The following CGREF1 variants were observed in gnomAD, a reference collection of about 807,000 sequenced individuals.
The protein encoded by CGREF1 is cell growth regulator with EF-hand domain 1.
A neutral mutation model predicts 17.4 loss-of-function variants in CGREF1; 16 were observed. The ratio of observed to expected loss-of-function variants is 0.92; its 90% CI spans 0.62 to 1.40. The LOEUF (loss-of-function observed/expected upper bound fraction) is 1.40. Ranked by LOEUF, CGREF1 falls within the 40% of genes most tolerant of loss-of-function variation. The pLI, the probability that CGREF1 is intolerant of heterozygous loss-of-function variation, is 0.00. For synonymous variants in CGREF1, 142 were observed against 154.6 expected (o/e 0.92, Z 0.61); for missense variants, 296 against 376.4 (o/e 0.79, Z 1.77).
In CGREF1 at chr2:27,104,143, A is replaced by G. The variant is rs577810028; in HGVS notation, c.80+144T>C. ...TTTGTGGCACTCTGACAGGCACAAG[A>G]TGGGAGGCTGATGGCAGGGAGATAC... is the stretch of plus-strand genomic sequence containing the variant. On this transcript the variant is annotated intron_variant, in intron 2 of 5. Coordinates refer to ENST00000402394, the MANE Select transcript of CGREF1 (RefSeq NM_006569.6). The G allele has an allele frequency of 6.5e-5, 52 of 804,370 alleles. No homozygotes were observed. In the African/African-American group the frequency reaches 8.1e-4, roughly 13 times the overall value. 49.8% of individuals were successfully genotyped at this position (804,370 alleles called of 1,614,324 possible).
At chr2:27,117,861 G>A (rs1473966582) in intron 1 of CGREF1, among the ~76,000 whole-genome samples, 1 of 152,028 alleles carries the variant, frequency 6.6e-6, no homozygotes, top group Non-Finnish European at 1.5e-5. Flanking sequence ...GACTACAGGC[G>A]CCTGCCACCA....
At chr2:27,113,509 G>T (rs1290657382) in intron 1 of CGREF1, among the ~76,000 whole-genome samples, 1 of 152,146 alleles carries the variant, frequency 6.6e-6, no homozygotes, top group African/African-American at 2.4e-5. Context: ...TTGCAAATAT[G>T]TAAGTAGGAA....
chr2:27,101,172 G>C lies in CGREF1; in HGVS notation c.*102C>G, dbSNP rs146521833. 119 of 1,491,002 alleles carry C rather than the reference G, an allele frequency of 8.0e-5. No individual in the cohort carries two copies. Among genetic ancestry groups the C allele is most frequent in the Non-Finnish European group, 1.0e-4 (114 of 1,126,894 alleles). The allele number at this position is 1,491,002 out of a possible 1,614,324, so 92.4% of individuals were successfully genotyped here. A position where few individuals can be genotyped will look rare whatever the true frequency, so the allele number is the denominator to read the frequency against. Reference sequence around the variant, plus strand: ...CCTGATACCTACTGGGACCAGGCAGGGGGCACAGAGATGGTCCTTGTCCCA... The same window carrying C: ...CCTGATACCTACTGGGACCAGGCAGCGGGCACAGAGATGGTCCTTGTCCCA... On this transcript the variant is annotated 3_prime_UTR_variant, in exon 6 of 6. Transcript: ENST00000402394.
rs777545791 is a variant in CGREF1, at chr2:27,108,393, CAT to C, written c.-11-4018_-11-4017del. 3.9e-5 allele frequency among the ~76,000 whole-genome samples: 6 copies of C among 152,196 alleles called. No individual in the cohort carries two copies. In the East Asian group the frequency reaches 7.7e-4, roughly 20 times the overall value. ...AGAGTGCAGTTCATTGAGTCAAAGA[CAT>C]AGAAAATATAAAACAGAGGTTAAGT... is the stretch of plus-strand genomic sequence containing the variant. On this transcript the variant is annotated intron_variant, in intron 1 of 5. Transcript: ENST00000402394.
intron 1 of CGREF1, among the ~76,000 whole-genome samples, chr2:27,108,656 T>C (rs1409336242): frequency 6.6e-6 from 1 of 150,612 alleles, no homozygotes; most frequent in East Asian, 2.0e-4. Flanking sequence ...ACAAATCATC[T>C]CATAGGAAAA....
In CGREF1 at chr2:27,101,698, C is replaced by G. The variant is rs771131918; in HGVS notation, c.533G>C (p.Arg178Thr). Reference protein sequence around the residue: ...RQSLLAKSPLRQETQEAPGPR... With the variant: ...RQSLLAKSPLTQETQEAPGPR... Reference sequence around the variant, plus strand: ...ACCAGGGGCTTCCTGTGTTTCTTGTCTTAATGGGCTTTTAGCTAATAGGGA... The same window carrying G: ...ACCAGGGGCTTCCTGTGTTTCTTGTGTTAATGGGCTTTTAGCTAATAGGGA... The change falls in exon 6 of 6, where the codon AGA (arginine) becomes ACA (threonine). Residue 178 changes from arginine to threonine, a missense_variant. Transcript: ENST00000402394. The G allele has an allele frequency of 6.2e-7, 1 of 1,614,242 alleles. No individual in the cohort carries two copies. The highest frequency in any genetic ancestry group is 8.5e-7 in the Non-Finnish European group (1 of 1,180,046).
rs1420146892 is a variant in CGREF1 at position 27,108,650 on chromosome 2, A to T, written c.-11-4273T>A. On this transcript the variant is annotated intron_variant, in intron 1 of 5. Transcript: ENST00000402394. Reference sequence around the variant, plus strand: ...AAAAGCAGTCAGAAAGAAAAGACAAATCATCTCATAGGAAAAGTAATTAGA... The same window carrying T: ...AAAAGCAGTCAGAAAGAAAAGACAATTCATCTCATAGGAAAAGTAATTAGA... Among the ~76,000 whole-genome samples the T allele has an allele frequency of 2.0e-5, 3 of 151,666 alleles. No homozygotes were observed. The East Asian group carries it at 5.8e-4, about 29-fold the overall frequency.
Position 27,116,900 on chromosome 2 carries a change from TC to T in CGREF1, c.-12+1945del, listed in dbSNP as rs1558466862. Among the ~76,000 whole-genome samples the T allele has an allele frequency of 6.5e-3, 870 of 133,054 alleles. 12 individuals carry two copies. The highest frequency in any genetic ancestry group is 8.1e-3 in the Non-Finnish European group (503 of 61,954). The allele number at this position is 133,054 out of a possible 152,430, so 87.3% of individuals were successfully genotyped here. On this transcript the variant is annotated intron_variant, in intron 1 of 5. Transcript: ENST00000402394. ...CTCTCTCTCTCTCTCTCTCTCTCTC[TC>T]TCTCTCTCTCTCTCTCTCTCTCTTT...
At chr2:27,115,422 T>C (rs6740527) in intron 1 of CGREF1, among the ~76,000 whole-genome samples, 14,105 of 152,172 alleles carry the variant, frequency 0.093, 858 homozygotes, top group African/African-American at 0.17. Context: ...TGACCTTGGG[T>C]AAATTAATTT....
rs188086883 is a variant in CGREF1, at chr2:27,118,521, G to C, written c.-12+325C>G. On this transcript the variant is annotated intron_variant, in intron 1 of 5. Coordinates refer to ENST00000402394, the MANE Select transcript of CGREF1 (RefSeq NM_006569.6). Reference sequence around the variant, plus strand: ...GCTCCATTTCTTCCCCGTCGGATGAGGGGGAAAGCTCCCGCCAGCTGCCCC... The same window carrying C: ...GCTCCATTTCTTCCCCGTCGGATGACGGGGAAAGCTCCCGCCAGCTGCCCC... Among the ~76,000 whole-genome samples the C allele has an allele frequency of 6.4e-4, 98 of 152,276 alleles. 1 individual carries two copies. In the East Asian group the frequency reaches 0.011, roughly 17 times the overall value.
intron 1 of CGREF1, among the ~76,000 whole-genome samples, chr2:27,107,506 G>T (rs951049776): frequency 6.6e-6 from 1 of 151,700 alleles, no homozygotes; most frequent in Non-Finnish European, 1.5e-5. Context: ...GCCCACCTTG[G>T]CCTCCCAAAG....
At position 27,101,199 on chromosome 2, in the gene CGREF1, C is replaced by T. The variant is rs1670807666; in HGVS notation, c.*75G>A. On this transcript the variant is annotated 3_prime_UTR_variant, in exon 6 of 6. Transcript: ENST00000402394. ...GGCACAGAGATGGTCCTTGTCCCAG[C>T]GTACATTTCCCCTGCCCACTTCAGG... The T allele has an allele frequency of 7.3e-6, 11 of 1,506,872 alleles. No individual in the cohort carries two copies. Among genetic ancestry groups the T allele is most frequent in the East Asian group, 2.3e-5 (1 of 43,822 alleles). 93.3% of individuals were successfully genotyped at this position (1,506,872 alleles called of 1,614,324 possible).
chr2:27,103,373 AT>A (rs1244488282), intron 2 of CGREF1, among the ~76,000 whole-genome samples: 2 of 60,734 alleles, frequency 3.3e-5, no homozygotes, highest in Non-Finnish European at 6.5e-5. Context: ...TGTTGCCACC[AT>A]AAGGTCTTTT....
At position 27,109,649 on chromosome 2, in the gene CGREF1, G is replaced by T. The variant is rs143747168; in HGVS notation, c.-11-5272C>A. On this transcript the variant is annotated intron_variant, in intron 1 of 5. Transcript: ENST00000402394. ...GCCTGTAATCCCAGCACTCTGGGAGGCCGAGGTGGGCGGATCACCTGAGGT... is the reference window on the plus strand; with the variant it reads ...GCCTGTAATCCCAGCACTCTGGGAGTCCGAGGTGGGCGGATCACCTGAGGT... Among the ~76,000 whole-genome samples the T allele has an allele frequency of 2.8e-3, 421 of 152,218 alleles. 5 individuals are homozygous for T. Among genetic ancestry groups the T allele is most frequent in the African/African-American group, 9.7e-3 (404 of 41,528 alleles).
intron 1 of CGREF1, among the ~76,000 whole-genome samples, chr2:27,114,412 C>T (rs1158156911): frequency 6.6e-6 from 1 of 152,190 alleles, no homozygotes; most frequent in Non-Finnish European, 1.5e-5. Flanking sequence ...CATTAGGCCA[C>T]TGTGGTAGCT....
At chr2:27,103,004 T>C in intron 2 of CGREF1, 1 of 985,410 alleles carries the variant, frequency 1.0e-6, no homozygotes. Context: ...CCCAGTTTTA[T>C]ATAGACCCAG....
downstream of CGREF1, chr2:27,099,761 C>G (rs759689060): frequency 6.2e-7 from 1 of 1,613,190 alleles, no homozygotes; most frequent in Admixed American, 1.7e-5. Context: ...GAGCAGGTGC[C>G]GGCTCCTCAC....
rs901236385 is a variant in CGREF1 at position 27,100,629 on chromosome 2, A to T, written c.*645T>A. 11 of 1,146,414 alleles carry T rather than the reference A, an allele frequency of 9.6e-6. No individual in the cohort carries two copies. The highest frequency in any genetic ancestry group is 1.3e-5 in the Non-Finnish European group (11 of 872,578). 71.0% of individuals were successfully genotyped at this position (1,146,414 alleles called of 1,614,324 possible). A position where few individuals can be genotyped will look rare whatever the true frequency, so the allele number is the denominator to read the frequency against. On this transcript the variant is annotated 3_prime_UTR_variant, in exon 6 of 6. Transcript: ENST00000402394. ...TCTGCCATTTAATTAGCTGCATATC[A>T]CCTTAGGGTACAGCACTTAACGCAA... is the stretch of plus-strand genomic sequence containing the variant.
chr2:27,100,748 G>GC lies in CGREF1; in HGVS notation c.*525_*526insG, dbSNP rs1670773871. On this transcript the variant is annotated 3_prime_UTR_variant, in exon 6 of 6. Transcript: ENST00000402394. Reference sequence around the variant, plus strand: ...AAATCATATATAAAATGCCCAGCATGATGCCTGATGTGTACAAGGCTCTCA... The same window carrying GC: ...AAATCATATATAAAATGCCCAGCATGCATGCCTGATGTGTACAAGGCTCTCA... 2 of 1,155,646 alleles carry GC rather than the reference G, an allele frequency of 1.7e-6. No individual in the cohort carries two copies. Among genetic ancestry groups the GC allele is most frequent in the Non-Finnish European group, 2.2e-6 (2 of 914,044 alleles). 71.6% of individuals were successfully genotyped at this position (1,155,646 alleles called of 1,614,324 possible). A position where few individuals can be genotyped will look rare whatever the true frequency, so the allele number is the denominator to read the frequency against.
Sources: allele counts gnomAD v4.1 joint callset (sites outside exome capture counted in the v4.1 genomes callset), GRCh38; gene constraint gnomAD v4.1.1; transcripts MANE v1.5; gene names NCBI Gene and HGNC (gene_info 2026-07-23, HGNC 2026-07-21).